The following SLC24A2 variants were observed in gnomAD, a reference collection of about 807,000 sequenced individuals.
SLC24A2 encodes solute carrier family 24 member 2, also known as sodium/potassium/calcium exchanger 2.
A neutral mutation model predicts 62.0 loss-of-function variants in SLC24A2; 36 were observed. The ratio of observed to expected loss-of-function variants is 0.58; its 90% CI spans 0.44 to 0.77. The LOEUF is 0.77. Ranked by LOEUF, SLC24A2 falls within the 30% of genes least tolerant of loss-of-function variation. The pLI, the probability that SLC24A2 is intolerant of heterozygous loss-of-function variation, is 0.00. For missense variants in SLC24A2, 846 were observed against 817.9 expected (o/e 1.03, Z -0.42); for synonymous variants, 358 against 294.0 (o/e 1.22, Z -2.23).
chr9:19,872,632 C>T, the SLC24A2 span, among the ~76,000 whole-genome samples: 15 of 152,208 alleles, frequency 9.9e-5, no homozygotes, highest in East Asian at 2.9e-3. Context: ...CTCTGTGCTC[C>T]AATTCAGTTT....
the SLC24A2 span, among the ~76,000 whole-genome samples, chr9:19,885,955 T>G: frequency 6.6e-6 from 1 of 152,212 alleles, no homozygotes; most frequent in African/African-American, 2.4e-5. Context: ...TGCATAGTAT[T>G]CTATGGTGTA....
the SLC24A2 span, among the ~76,000 whole-genome samples, chr9:20,306,233 C>A: frequency 6.6e-6 from 1 of 152,274 alleles, no homozygotes; most frequent in Admixed American, 6.5e-5. Context: ...TTCTTTAACT[C>A]CTTTGGCCTG....
chr9:19,702,486 C>T (rs7043533), intron 2 of SLC24A2, among the ~76,000 whole-genome samples: 8,078 of 152,236 alleles, frequency 0.053, 756 homozygotes, highest in African/African-American at 0.18. Context: ...TGTCGCATAA[C>T]AGAAAACTTG....
At chr9:20,070,451 A>G in the SLC24A2 span, among the ~76,000 whole-genome samples, 8 of 152,320 alleles carry the variant, frequency 5.3e-5, no homozygotes, top group African/African-American at 1.7e-4. Context: ...TGTTTTGATT[A>G]TATTTTCAGG....
chr9:19,912,814 C>T, the SLC24A2 span, among the ~76,000 whole-genome samples: 37 of 152,032 alleles, frequency 2.4e-4, no homozygotes, highest in African/African-American at 8.7e-4. Flanking sequence ...TCAATCCAAC[C>T]CTTATTTCTC....
intron 2 of SLC24A2, among the ~76,000 whole-genome samples, chr9:19,675,111 G>A (rs979904315): frequency 2.6e-5 from 4 of 152,158 alleles, no homozygotes; most frequent in African/African-American, 9.7e-5. Flanking sequence ...CTGAACTGCA[G>A]TGATTATTAT....
At chr9:19,636,354 T>A in intron 2 of SLC24A2, among the ~76,000 whole-genome samples, 1 of 38,268 alleles carries the variant, frequency 2.6e-5, no homozygotes, top group African/African-American at 1.2e-4. Flanking sequence ...TTTCTTTCTT[T>A]CTTTCTTTCT....
the SLC24A2 span, among the ~76,000 whole-genome samples, chr9:20,149,615 G>A: frequency 1.3e-5 from 2 of 151,984 alleles, no homozygotes; most frequent in African/African-American, 2.4e-5. Flanking sequence ...TAAAATGGCT[G>A]TGTTCTAATA....
the SLC24A2 span, among the ~76,000 whole-genome samples, chr9:19,838,785 C>T: frequency 1.5e-5 from 2 of 136,728 alleles, no homozygotes; most frequent in Non-Finnish European, 3.2e-5. Context: ...AAAAAAAAAA[C>T]CCTAGAAGAA....
rs536907958 is a variant in SLC24A2, at chr9:19,786,245, T to C, written c.622A>G (p.Ile208Val). 1 of 1,614,116 alleles carries C rather than the reference T, an allele frequency of 6.2e-7. No homozygotes were observed. The highest frequency in any genetic ancestry group is 2.2e-5 in the East Asian group (1 of 44,880). The change falls in exon 2 of 11, where the codon ATT becomes GTT. Residue 208 changes from isoleucine (I) to valine (V), a missense_variant. Coordinates refer to ENST00000341998, the MANE Select transcript of SLC24A2 (RefSeq NM_020344.4). This position sits in a 1 kb window ranked among gnomAD's most constrained non-coding sequence, Gnocchi z 5.0. ...ATGTTGAATACTGCTGAACCTACAATTGTGCCTATGCCAACGTTGCTGTGA... is the reference window on the plus strand; with the variant it reads ...ATGTTGAATACTGCTGAACCTACAACTGTGCCTATGCCAACGTTGCTGTGA... The part of the protein sequence containing the change: ...IAHSNVGIGT[I>V]VGSAVFNILF...
the SLC24A2 span, among the ~76,000 whole-genome samples, chr9:19,997,164 C>A: frequency 1.3e-5 from 2 of 152,136 alleles, no homozygotes; most frequent in African/African-American, 4.8e-5. Context: ...AGAACTTAGT[C>A]ATCACAATTT....
At chr9:19,899,739 C>T in the SLC24A2 span, among the ~76,000 whole-genome samples, 6 of 152,178 alleles carry the variant, frequency 3.9e-5, no homozygotes, top group Non-Finnish European at 8.8e-5. Context: ...AACTTACAAT[C>T]ATGGCAGAAG....
At chr9:19,956,429 G>A in the SLC24A2 span, among the ~76,000 whole-genome samples, 3 of 152,116 alleles carry the variant, frequency 2.0e-5, no homozygotes, top group Admixed American at 6.5e-5. Context: ...ACTTAGCAGC[G>A]GTGGCTTTTT....
At chr9:20,041,160 G>A in the SLC24A2 span, among the ~76,000 whole-genome samples, 2 of 151,642 alleles carry the variant, frequency 1.3e-5, no homozygotes, top group African/African-American at 4.8e-5. Context: ...ACGCGTGCGC[G>A]CGTGCGCACG....
At chr9:19,769,209 G>T (rs1036558597) in intron 2 of SLC24A2, among the ~76,000 whole-genome samples, 2 of 152,134 alleles carry the variant, frequency 1.3e-5, no homozygotes, top group East Asian at 3.9e-4. Flanking sequence ...AAATCTCAGT[G>T]TCACCCTCGA....
the SLC24A2 span, among the ~76,000 whole-genome samples, chr9:19,888,314 T>A: frequency 3.3e-5 from 5 of 152,208 alleles, 1 homozygote; most frequent in Non-Finnish European, 7.3e-5. Context: ...CTCATAACTT[T>A]CCTTTCATTC....
At chr9:20,043,188 G>C in the SLC24A2 span, among the ~76,000 whole-genome samples, 1 of 152,118 alleles carries the variant, frequency 6.6e-6, no homozygotes, top group Non-Finnish European at 1.5e-5. Flanking sequence ...AGTTAGCAAA[G>C]GTATAAATGT....
the SLC24A2 span, among the ~76,000 whole-genome samples, chr9:20,045,895 T>G: frequency 6.6e-6 from 1 of 152,072 alleles, no homozygotes; most frequent in East Asian, 1.9e-4. Context: ...AGCCAGTGAG[T>G]GATGGGTTTG....
At position 19,745,577 on chromosome 9, in the gene SLC24A2, G is replaced by C. The variant is rs116228460; in HGVS notation, c.930+40360C>G. On this transcript the variant is annotated intron_variant, in intron 2 of 10. Coordinates refer to ENST00000341998, the MANE Select transcript of SLC24A2 (RefSeq NM_020344.4). ...AGCATCCAAGGCGATTGTGATGGCTGCAAGTTTCAGAACCACTGCCTTAAA... is the reference window on the plus strand; with the variant it reads ...AGCATCCAAGGCGATTGTGATGGCTCCAAGTTTCAGAACCACTGCCTTAAA... Among the ~76,000 whole-genome samples the C allele has an allele frequency of 5.0e-3, 765 of 152,246 alleles. 7 individuals are homozygous for C. The highest frequency in any genetic ancestry group is 0.018 in the African/African-American group (729 of 41,556).
Sources: allele counts gnomAD v4.1 joint callset (sites outside exome capture counted in the v4.1 genomes callset), GRCh38; gene constraint gnomAD v4.1.1; non-coding constraint Gnocchi (gnomAD v3.1); transcripts MANE v1.5; gene names NCBI Gene and HGNC (gene_info 2026-07-23, HGNC 2026-07-21).